LRRC37A2: variants seen among roughly 807,000 people sequenced by gnomAD.
LRRC37A2 encodes leucine rich repeat containing 37 member A2, also known as leucine-rich repeat-containing protein 37A2.
Under a neutral mutation model 68.8 loss-of-function variants are expected in LRRC37A2, and 9 were observed. The ratio of observed to expected loss-of-function variants is 0.13; its 90% CI spans 0.08 to 0.23. LRRC37A2 has a LOEUF of 0.23. LRRC37A2 is among the 10% of genes least tolerant of loss of function. The probability of loss-of-function intolerance (pLI) is 1.00; values close to 1 mark genes in which losing one functional copy is unlikely to be tolerated. For synonymous variants in LRRC37A2, 63 were observed against 367.6 expected (o/e 0.17, Z 9.48); for missense variants, 168 against 950.4 (o/e 0.18, Z 10.82).
At chr17:46,751,499 G>A in the LRRC37A2 span, 1 of 1,610,344 alleles carries the variant, frequency 6.2e-7, no homozygotes, top group Non-Finnish European at 8.5e-7. Flanking sequence ...TATTGTTTTT[G>A]TAGCTTTTGG....
the LRRC37A2 span, among the ~76,000 whole-genome samples, chr17:46,994,311 G>A: frequency 0.45 from 68,727 of 151,244 alleles, 16,351 homozygotes; most frequent in Non-Finnish European, 0.54. Context: ...CTTGAGCCCC[G>A]GAGGCGAACG....
chr17:46,679,068 C>T, the LRRC37A2 span, among the ~76,000 whole-genome samples: 1 of 151,960 alleles, frequency 6.6e-6, no homozygotes, highest in African/African-American at 2.4e-5. Flanking sequence ...AGAGAGCTTA[C>T]CTAAAGTATA....
chr17:46,853,354 T>G, the LRRC37A2 span, among the ~76,000 whole-genome samples: 1 of 147,710 alleles, frequency 6.8e-6, no homozygotes, highest in African/African-American at 2.5e-5. Flanking sequence ...GCTCAACTAA[T>G]GCTAGTGACT....
the LRRC37A2 span, among the ~76,000 whole-genome samples, chr17:46,502,755 G>A: frequency 6.6e-6 from 1 of 151,288 alleles, no homozygotes; most frequent in Non-Finnish European, 1.5e-5. Context: ...GTGAAATGAA[G>A]GGAAATGGTC....
the LRRC37A2 span, among the ~76,000 whole-genome samples, chr17:46,922,048 G>T: frequency 2.8e-4 from 43 of 152,338 alleles, no homozygotes; most frequent in East Asian, 6.5e-3. Context: ...GTTTATTGCA[G>T]CACTATTCAC....
chr17:46,923,580 T>C, the LRRC37A2 span: 1 of 1,301,382 alleles, frequency 7.7e-7, no homozygotes, highest in African/African-American at 1.5e-5. Flanking sequence ...AGACACGGAG[T>C]AGGAGACACG....
chr17:46,458,531 C>CT, the LRRC37A2 span, among the ~76,000 whole-genome samples: 1,018 of 39,934 alleles, frequency 0.025, 233 homozygotes, highest in African/African-American at 0.074. Context: ...TCTTCTTCTT[C>CT]TTTTTTTTTT....
the LRRC37A2 span, among the ~76,000 whole-genome samples, chr17:46,804,197 C>T: frequency 6.6e-6 from 1 of 152,220 alleles, no homozygotes; most frequent in Non-Finnish European, 1.5e-5. Context: ...AAGCGATTCT[C>T]CTGCCTCAGC....
the LRRC37A2 span, among the ~76,000 whole-genome samples, chr17:46,887,758 CCT>C: frequency 6.8e-6 from 1 of 146,332 alleles, no homozygotes; most frequent in Non-Finnish European, 1.5e-5. Context: ...AGCGAGACTC[CCT>C]GTCCAAAAGA....
At chr17:46,820,655 G>T in the LRRC37A2 span, among the ~76,000 whole-genome samples, 1 of 152,132 alleles carries the variant, frequency 6.6e-6, no homozygotes, top group South Asian at 2.1e-4. Flanking sequence ...GGTTACCATT[G>T]CCATGAATGC....
At chr17:46,771,684 C>A in the LRRC37A2 span, among the ~76,000 whole-genome samples, 3 of 143,468 alleles carry the variant, frequency 2.1e-5, no homozygotes, top group Non-Finnish European at 4.6e-5. Flanking sequence ...TAGCAACGGG[C>A]GGCTCCCGCG....
chr17:46,978,933 C>T, the LRRC37A2 span: 2 of 1,457,810 alleles, frequency 1.4e-6, no homozygotes, highest in Non-Finnish European at 9.0e-7. Flanking sequence ...TGCGGTTTCC[C>T]AGGGCGGCCC....
At chr17:46,773,940 G>C in the LRRC37A2 span, 1 of 1,605,780 alleles carries the variant, frequency 6.2e-7, no homozygotes, top group Non-Finnish European at 8.5e-7. Flanking sequence ...GTAACACTGT[G>C]GGCACAAAGC....
chr17:46,717,038 T>C, the LRRC37A2 span, among the ~76,000 whole-genome samples: 9 of 152,316 alleles, frequency 5.9e-5, no homozygotes, highest in Non-Finnish European at 7.3e-5. Flanking sequence ...GAGTTATCTA[T>C]ACTCCCAAGT....
At chr17:47,015,006 C>CTTTTTT in the LRRC37A2 span, among the ~76,000 whole-genome samples, 6 of 106,140 alleles carry the variant, frequency 5.7e-5, no homozygotes, top group Admixed American at 1.2e-4. Context: ...CCATTTTTAT[C>CTTTTTT]TTTTTTTTTT....
At chr17:46,516,064 G>T (rs2144731291) in intron 2 of LRRC37A2, among the ~76,000 whole-genome samples, 1 of 138,400 alleles carries the variant, frequency 7.2e-6, no homozygotes, top group South Asian at 2.2e-4. Flanking sequence ...ACTTTGGGAG[G>T]CCGAGGCGGG....
the LRRC37A2 span, among the ~76,000 whole-genome samples, chr17:46,829,766 G>A: frequency 1.3e-5 from 2 of 150,628 alleles, no homozygotes; most frequent in Non-Finnish European, 3.0e-5. Flanking sequence ...TGGGATGGGA[G>A]TAGGGGGTGG....
At chr17:46,952,945 C>T in the LRRC37A2 span, 1 of 152,226 alleles carries the variant, frequency 6.6e-6, no homozygotes, top group African/African-American at 2.4e-5. Context: ...AGATACCCCA[C>T]ATAAGATGCT....
the LRRC37A2 span, chr17:46,948,667 C>T: frequency 0.019 from 2,929 of 152,284 alleles, 51 homozygotes; most frequent in Non-Finnish European, 0.025. Flanking sequence ...AGTGAGTATG[C>T]GCAGGGCTGC....
Sources: gnomAD v4.1 joint callset for allele counts (sites outside exome capture counted in the v4.1 genomes callset) on GRCh38, gnomAD v4.1.1 for gene constraint, MANE v1.5 for transcripts, NCBI Gene and HGNC (gene_info 2026-07-23, HGNC 2026-07-21) for gene names.